The following MPP7 variants were observed in gnomAD, a reference collection of about 807,000 sequenced individuals.
MPP7 encodes MAGUK p55 subfamily member 7.
A neutral mutation model predicts 76.5 loss-of-function variants in MPP7; 60 were observed. The observed-to-expected ratio is 0.78, with a 90% CI of 0.64 to 0.97. The LOEUF is 0.97. Ranked by LOEUF, MPP7 falls within the 50% of genes least tolerant of loss-of-function variation. MPP7 has a pLI of 0.00. For synonymous variants in MPP7, 237 were observed against 244.5 expected (o/e 0.97, Z 0.29); for missense variants, 641 against 694.0 (o/e 0.92, Z 0.86).
intron 3 of MPP7, among the ~76,000 whole-genome samples, chr10:28,194,797 A>G (rs1261096348): frequency 2.0e-5 from 3 of 152,258 alleles, no homozygotes; most frequent in African/African-American, 7.2e-5. Flanking sequence ...GATGCAAGAC[A>G]TAATGCATTT....
At chr10:28,124,644 T>TG (rs557529955) in intron 7 of MPP7, among the ~76,000 whole-genome samples, 1,552 of 144,396 alleles carry the variant, frequency 0.011, 34 homozygotes, top group African/African-American at 0.038. Context: ...CTTGACTAAT[T>TG]TTTTTTTTTT....
At chr10:28,295,553 CA>C (rs58762131) in intron 1 of MPP7, among the ~76,000 whole-genome samples, 15,698 of 152,038 alleles carry the variant, frequency 0.1, 1,285 homozygotes, top group East Asian at 0.41. Flanking sequence ...TTCCCAATGC[CA>C]AAAAAAGAAG....
chr10:28,112,120 T>G (rs1303810030), intron 11 of MPP7, among the ~76,000 whole-genome samples: 1 of 152,204 alleles, frequency 6.6e-6, no homozygotes, highest in Non-Finnish European at 1.5e-5. Context: ...ATCACCCAAG[T>G]TGTGACTTTA....
intron 5 of MPP7, among the ~76,000 whole-genome samples, chr10:28,145,188 C>T (rs879361119): frequency 5.9e-5 from 9 of 152,180 alleles, no homozygotes; most frequent in Admixed American, 5.9e-4. Context: ...GCTGGGATTA[C>T]AGGCTTGAGC....
intron 3 of MPP7, among the ~76,000 whole-genome samples, chr10:28,195,196 C>T (rs1837540216): frequency 6.6e-6 from 1 of 152,080 alleles, no homozygotes; most frequent in African/African-American, 2.4e-5. Context: ...AATGAGGTAC[C>T]ACTTCATACC....
intron 3 of MPP7, among the ~76,000 whole-genome samples, chr10:28,171,429 A>G (rs966646400): frequency 4.6e-5 from 7 of 152,250 alleles, no homozygotes; most frequent in South Asian, 2.1e-4. Context: ...ACAGTTTTCT[A>G]TTTTAATAGC....
At chr10:28,061,059 A>T (rs902232071) in intron 13 of MPP7, among the ~76,000 whole-genome samples, 3 of 152,198 alleles carry the variant, frequency 2.0e-5, no homozygotes, top group African/African-American at 7.2e-5. Context: ...AAACATCAAC[A>T]TTCTCCCGAA....
At chr10:28,192,035 A>T (rs1837427905) in intron 3 of MPP7, among the ~76,000 whole-genome samples, 1 of 152,082 alleles carries the variant, frequency 6.6e-6, no homozygotes, top group Admixed American at 6.6e-5. Flanking sequence ...GAGGCACGAG[A>T]ATCGCTTGAA....
At chr10:28,301,355 A>T (rs1051273550) in intron 1 of MPP7, among the ~76,000 whole-genome samples, 4 of 152,250 alleles carry the variant, frequency 2.6e-5, no homozygotes, top group Admixed American at 6.5e-5. Flanking sequence ...AAGCTTCCCA[A>T]AATTTAAAAT....
intron 1 of MPP7, among the ~76,000 whole-genome samples, chr10:28,268,734 C>CA (rs764435309): frequency 0.045 from 4,226 of 94,534 alleles, 121 homozygotes; most frequent in African/African-American, 0.11. Context: ...GACTCTGTCT[C>CA]AAAAAAAAAA....
At chr10:28,072,261 G>A (rs543845071) in intron 12 of MPP7, among the ~76,000 whole-genome samples, 3 of 152,240 alleles carry the variant, frequency 2.0e-5, no homozygotes, top group Non-Finnish European at 2.9e-5. Context: ...GCGACAGAGC[G>A]AGACTCTGTC....
At chr10:28,205,253 TC>T (rs1270284482) in intron 2 of MPP7, among the ~76,000 whole-genome samples, 1 of 152,064 alleles carries the variant, frequency 6.6e-6, no homozygotes, top group Admixed American at 6.6e-5. Context: ...GACAACTACT[TC>T]CACTCAAATG....
At chr10:28,189,570 CAAAAAAAAAAA>C (rs59436299) in intron 3 of MPP7, among the ~76,000 whole-genome samples, 1 of 69,520 alleles carries the variant, frequency 1.4e-5, no homozygotes, top group Non-Finnish European at 2.8e-5. Context: ...GACCCTGTCT[CAAAAAAAAAAA>C]AAAAAAAAAA....
chr10:28,134,814 G>C (rs1835305168), intron 5 of MPP7, among the ~76,000 whole-genome samples: 1 of 152,004 alleles, frequency 6.6e-6, no homozygotes, highest in South Asian at 2.1e-4. Flanking sequence ...TCATGAGAAA[G>C]GAAAGAAGAA....
rs145809120 is a variant in MPP7 at position 28,131,650 on chromosome 10, G to A, written c.357C>T (p.Tyr119=). ...CAGGCATAGGAGGCAACACTGGGTC[G>A]TAATTCTTCTGAGCCACAGTATCAT... is the stretch of plus-strand genomic sequence containing the variant. ...SVHDTVAQKN[Y]DPVLPPMPED... is the part of the protein sequence containing the mutation. The change falls in exon 6 of 17, where the codon TAC becomes TAT. Residue 119 remains tyrosine (Y), a synonymous_variant. Transcript: ENST00000683449. 5.0e-4 allele frequency: 806 copies of A among 1,602,908 alleles called. No individual in the cohort carries two copies. Among genetic ancestry groups the A allele is most frequent in the Non-Finnish European group, 6.0e-4 (701 of 1,173,160 alleles).
rs146174099 is a variant in MPP7, at chr10:28,284,302, T to C, written c.-132+18559A>G. Among the ~76,000 whole-genome samples the C allele has an allele frequency of 3.7e-4, 57 of 152,338 alleles. No individual in the cohort carries two copies. The East Asian group carries it at 0.01, about 27-fold the overall frequency. On this transcript the variant is annotated intron_variant, in intron 1 of 16. Transcript: ENST00000683449. Reference sequence around the variant, plus strand: ...GTACACAAATGTACACAGACATTTATATAATCTTCTGTTGTCTAGGCACCA... The same window carrying C: ...GTACACAAATGTACACAGACATTTACATAATCTTCTGTTGTCTAGGCACCA...
At chr10:28,183,263 A>G (rs1253692147) in intron 3 of MPP7, among the ~76,000 whole-genome samples, 1 of 152,186 alleles carries the variant, frequency 6.6e-6, no homozygotes, top group Admixed American at 6.5e-5. Context: ...TCAGACTTCA[A>G]CTGGATCTAC....
intron 2 of MPP7, among the ~76,000 whole-genome samples, chr10:28,327,722 A>G (rs1307534954): frequency 6.6e-6 from 1 of 152,232 alleles, no homozygotes; most frequent in South Asian, 2.1e-4. Flanking sequence ...GTCAAGAACC[A>G]AGTGAAAATT....
intron 2 of MPP7, among the ~76,000 whole-genome samples, chr10:28,228,980 T>C (rs905124414): frequency 1.3e-5 from 2 of 152,072 alleles, no homozygotes; most frequent in East Asian, 3.9e-4. Context: ...TTAAGAAAGA[T>C]AAGGGATAGA....
Sources: gnomAD v4.1 joint callset for allele counts (sites outside exome capture counted in the v4.1 genomes callset) on GRCh38, gnomAD v4.1.1 for gene constraint, MANE v1.5 for transcripts, NCBI Gene and HGNC (gene_info 2026-07-23, HGNC 2026-07-21) for gene names.